MECOM: variants seen among roughly 807,000 people sequenced by gnomAD.
The protein encoded by MECOM is histone-lysine N-methyltransferase MECOM.
A neutral mutation model predicts 116.3 loss-of-function variants in MECOM; 13 were observed. The ratio of observed to expected loss-of-function variants is 0.11; its 90% CI spans 0.07 to 0.18. The LOEUF is 0.18. Ranked by LOEUF, MECOM falls within the 10% of genes least tolerant of loss-of-function variation. MECOM has a pLI of 1.00. For synonymous variants in MECOM, 528 were observed against 535.2 expected (o/e 0.99, Z 0.19); for missense variants, 1,299 against 1,509.0 (o/e 0.86, Z 2.31).
chr3:169,547,933 C>A (rs1032344687), intron 1 of MECOM, among the ~76,000 whole-genome samples: 1 of 152,108 alleles, frequency 6.6e-6, no homozygotes, highest in African/African-American at 2.4e-5. Context: ...CGCCTCAGAG[C>A]CTCCAGGAGG....
At chr3:169,096,252 T>A (rs1043954770) in intron 12 of MECOM, among the ~76,000 whole-genome samples, 33 of 151,950 alleles carry the variant, frequency 2.2e-4, no homozygotes, top group Non-Finnish European at 1.0e-4. Flanking sequence ...AAAAAAAAGT[T>A]AACTTTCTCC....
At chr3:169,472,566 AGGAGAGGAGAGGAGAGG>A (rs1749605252) in intron 1 of MECOM, among the ~76,000 whole-genome samples, 3 of 68,608 alleles carry the variant, frequency 4.4e-5, no homozygotes, top group African/African-American at 2.7e-4. Context: ...AAGAGAGGAG[AGGAGAGGAGAGGAGAGG>A]AAAGGAAAGG....
At chr3:169,575,300 C>T (rs1252669582) in intron 1 of MECOM, among the ~76,000 whole-genome samples, 1 of 152,162 alleles carries the variant, frequency 6.6e-6, no homozygotes, top group East Asian at 1.9e-4. Flanking sequence ...AAAGCAGTGA[C>T]TCCCTTTCTC....
intron 1 of MECOM, among the ~76,000 whole-genome samples, chr3:169,558,154 G>A (rs959194432): frequency 6.6e-6 from 1 of 152,098 alleles, no homozygotes; most frequent in African/African-American, 2.4e-5. Context: ...GAATGATTCT[G>A]CCACTCACAG....
intron 1 of MECOM, among the ~76,000 whole-genome samples, chr3:169,621,170 G>A (rs987001991): frequency 1.3e-5 from 2 of 152,184 alleles, no homozygotes; most frequent in African/African-American, 2.4e-5. Flanking sequence ...AGCTAGTGTT[G>A]GTGAATTTTC....
chr3:169,171,268 T>C (rs913536151), intron 2 of MECOM, among the ~76,000 whole-genome samples: 5 of 152,148 alleles, frequency 3.3e-5, no homozygotes, highest in Admixed American at 1.3e-4. Context: ...TGAGAATGAA[T>C]TGAATTGCTT....
intron 9 of MECOM, among the ~76,000 whole-genome samples, chr3:169,111,021 A>G (rs1727207600): frequency 6.6e-6 from 1 of 152,190 alleles, no homozygotes; most frequent in Admixed American, 6.5e-5. Flanking sequence ...TACCTACTAC[A>G]TTGCTAACAG....
At chr3:169,456,350 A>T (rs1394894712) in intron 1 of MECOM, among the ~76,000 whole-genome samples, 2 of 152,218 alleles carry the variant, frequency 1.3e-5, no homozygotes, top group African/African-American at 2.4e-5. Flanking sequence ...ATTCATTTGC[A>T]GCAGAAGTGG....
chr3:169,128,029 G>A lies in MECOM; in HGVS notation c.645C>T (p.Asp215=), dbSNP rs779524127. The change falls in exon 5 of 17, where the codon GAC becomes GAT. Residue 215 remains aspartate (D), a synonymous_variant. Coordinates refer to ENST00000651503, the MANE Select transcript of MECOM (RefSeq NM_004991.4). ...GTTCAGCCTTAGATTCAAAGAGCTG[G>A]TCACAGTCTTCGCAGCGATATTGCC... The part of the protein sequence containing the change: ...EERQYRCEDC[D]QLFESKAELA... 4 of 1,614,048 alleles carry A rather than the reference G, an allele frequency of 2.5e-6. No homozygotes were observed. The East Asian group carries it at 8.9e-5, about 36-fold the overall frequency.
intron 1 of MECOM, among the ~76,000 whole-genome samples, chr3:169,504,298 C>T (rs899722727): frequency 5.3e-5 from 8 of 151,424 alleles, no homozygotes; most frequent in African/African-American, 1.5e-4. Context: ...TACATCACTT[C>T]AGCTGGAGCT....
intron 1 of MECOM, among the ~76,000 whole-genome samples, chr3:169,591,412 C>A (rs1252371328): frequency 6.6e-6 from 1 of 152,026 alleles, no homozygotes; most frequent in Non-Finnish European, 1.5e-5. Flanking sequence ...CGGAGAAATC[C>A]CTGGAATGAT....
chr3:169,303,125 GA>G (rs1717067143), intron 2 of MECOM, among the ~76,000 whole-genome samples: 1 of 152,268 alleles, frequency 6.6e-6, no homozygotes, highest in Non-Finnish European at 1.5e-5. Context: ...CACCGATCAA[GA>G]GAATTCTTTG....
At chr3:169,153,469 G>T (rs1289693349) in intron 2 of MECOM, among the ~76,000 whole-genome samples, 6 of 151,746 alleles carry the variant, frequency 4.0e-5, no homozygotes, top group African/African-American at 1.5e-4. Context: ...TTTTAACTTC[G>T]GACTAAATTA....
At chr3:169,381,553 C>T (rs1242001726) in intron 1 of MECOM, 29 bp from the exon 2 acceptor site, 8 of 1,498,374 alleles carry the variant, frequency 5.3e-6, no homozygotes, top group African/African-American at 1.4e-5. Flanking sequence ...TTCATGAATT[C>T]CTTCTGATAT....
At chr3:169,243,860 G>A (rs1755212544) in intron 2 of MECOM, among the ~76,000 whole-genome samples, 1 of 152,192 alleles carries the variant, frequency 6.6e-6, no homozygotes, top group Non-Finnish European at 1.5e-5. Context: ...CTAAACAAGT[G>A]CAGAATAATA....
chr3:169,413,546 C>T (rs1421236208), intron 1 of MECOM, among the ~76,000 whole-genome samples: 8 of 149,268 alleles, frequency 5.4e-5, no homozygotes, highest in Admixed American at 1.3e-4. Context: ...GAACCAAACA[C>T]TACCCTGCAA....
At chr3:169,531,021 G>A (rs2109144573) in intron 1 of MECOM, among the ~76,000 whole-genome samples, 1 of 152,220 alleles carries the variant, frequency 6.6e-6, no homozygotes, top group Admixed American at 6.5e-5. Flanking sequence ...CTAGCTGTCA[G>A]CACTTCAGAT....
At chr3:169,127,459 C>A (rs1014314135) in intron 5 of MECOM, among the ~76,000 whole-genome samples, 1 of 151,962 alleles carries the variant, frequency 6.6e-6, no homozygotes, top group African/African-American at 2.4e-5. Context: ...AAGTGAATAC[C>A]AGATCTAGTC....
At chr3:169,123,341 T>C (rs1731709656) in intron 5 of MECOM, among the ~76,000 whole-genome samples, 1 of 151,244 alleles carries the variant, frequency 6.6e-6, no homozygotes, top group African/African-American at 2.4e-5. Flanking sequence ...TATATATATA[T>C]TACATAATAT....
Sources: allele counts gnomAD v4.1 joint callset (sites outside exome capture counted in the v4.1 genomes callset), GRCh38; gene constraint gnomAD v4.1.1; transcripts MANE v1.5; gene names NCBI Gene and HGNC (gene_info 2026-07-23, HGNC 2026-07-21).